COL27A1: variants seen among roughly 807,000 people sequenced by gnomAD.
COL27A1 encodes the protein collagen alpha-1(XXVII) chain.
A neutral mutation model predicts 251.3 loss-of-function variants in COL27A1; 106 were observed. That is an observed-to-expected ratio of 0.42 (90% CI 0.36 to 0.50). The LOEUF is 0.50. COL27A1 is among the 20% of genes least tolerant of loss of function. COL27A1 has a pLI of 0.00. For missense variants in COL27A1, 2,325 were observed against 2,522.8 expected (o/e 0.92, Z 1.68); for synonymous variants, 1,000 against 986.3 (o/e 1.01, Z -0.26).
rs1401021764 is a variant in COL27A1, at chr9:114,156,904, T to C, written c.62+892T>C. Among the ~76,000 whole-genome samples, 4 of 152,068 alleles carry C rather than the reference T, an allele frequency of 2.6e-5. No homozygotes were observed. In the East Asian group the frequency reaches 7.7e-4, roughly 29 times the overall value. On this transcript the variant is annotated intron_variant, in intron 1 of 60. Transcript: ENST00000356083. ...GGGGCCTGTGGACGGCGCTCCTCTC[T>C]TTCCATCCTGCCCCCAGGACACCAG...
At chr9:114,184,108 G>A (rs1302608895) in intron 5 of COL27A1, among the ~76,000 whole-genome samples, 5 of 61,128 alleles carry the variant, frequency 8.2e-5, no homozygotes, top group South Asian at 1.3e-3. Context: ...TGCCTGTGCC[G>A]AAGGAGCTGT....
At chr9:114,258,093 A>G (rs574943641) in intron 27 of COL27A1, among the ~76,000 whole-genome samples, 1 of 152,314 alleles carries the variant, frequency 6.6e-6, no homozygotes, top group East Asian at 1.9e-4. Flanking sequence ...GCTACTCAGG[A>G]GGCTGAGGCG....
At chr9:114,195,598 T>C (rs1390988465) in intron 6 of COL27A1, among the ~76,000 whole-genome samples, 1 of 152,184 alleles carries the variant, frequency 6.6e-6, no homozygotes. Flanking sequence ...ATGGAAGGTG[T>C]CTTAGGACTG....
intron 48 of COL27A1, among the ~76,000 whole-genome samples, 166 bp downstream of exon 48, chr9:114,291,083 C>T (rs1415054909): frequency 1.3e-5 from 2 of 152,208 alleles, no homozygotes; most frequent in Non-Finnish European, 2.9e-5. Context: ...CTGCCCCAAG[C>T]TTGAACCAGA....
At position 114,157,075 on chromosome 9, in the gene COL27A1, AACAC is replaced by A. The variant is rs150446535; in HGVS notation, c.62+1089_62+1092del. Among the ~76,000 whole-genome samples, 38 of 117,448 alleles carry A rather than the reference AACAC, an allele frequency of 3.2e-4. 1 individual carries two copies. Among genetic ancestry groups the A allele is most frequent in the African/African-American group, 7.3e-4 (25 of 34,466 alleles). The allele number at this position is 117,448 out of a possible 152,430, so 77.1% of individuals were successfully genotyped here. A position where few individuals can be genotyped will look rare whatever the true frequency, so the allele number is the denominator to read the frequency against. ...CCCCCGCCCCGCACCCCCTCACCAC[AACAC>A]ACACACACACACACACACACACACA... is the stretch of plus-strand genomic sequence containing the variant. On this transcript the variant is annotated intron_variant, in intron 1 of 60. Transcript: ENST00000356083.
chr9:114,283,812 G>GTGTTTCCAGGCCT, intron 40 of COL27A1, 50 bp downstream of exon 40: 1 of 1,588,610 alleles, frequency 6.3e-7, no homozygotes, highest in Non-Finnish European at 8.6e-7. Context: ...CTGCAGGCCT[G>GTGTTTCCAGGCCT]GAAACACAGG....
chr9:114,206,193 G>T lies in COL27A1; in HGVS notation c.2224-59G>T. 2 of 1,557,322 alleles carry T rather than the reference G, an allele frequency of 1.3e-6. 1 individual carries two copies. The highest frequency in any genetic ancestry group is 2.2e-5 in the South Asian group (2 of 89,604). ...CCCAAAGAGGCAGGACTTGCCCCAG[G>T]ATTGGCAGCAGGTAGAGCGTCTCCA... On this transcript the variant is annotated intron_variant, in intron 9 of 60. Transcript: ENST00000356083.
At chr9:114,229,552 C>A (rs1388330969) in intron 14 of COL27A1, among the ~76,000 whole-genome samples, 2 of 152,124 alleles carry the variant, frequency 1.3e-5, no homozygotes, top group African/African-American at 4.8e-5. Context: ...AGAGCTGTGC[C>A]CCCACCTCAG....
At chr9:114,278,299 G>C (rs1406408736) in intron 37 of COL27A1, among the ~76,000 whole-genome samples, 1 of 134,858 alleles carries the variant, frequency 7.4e-6, no homozygotes, top group East Asian at 2.1e-4. Flanking sequence ...GATGGTGGTA[G>C]TGGTGGTAGT....
At chr9:114,300,814 T>C in intron 51 of COL27A1, 127 bp downstream of exon 51, 3 of 842,252 alleles carry the variant, frequency 3.6e-6, no homozygotes, top group Non-Finnish European at 5.3e-6. Flanking sequence ...CCCACAGGCC[T>C]GGTTCCCACC....
chr9:114,275,005 TGCTTGAGCCCAGCAGTTGGAGACCA>T (rs1422896420), intron 36 of COL27A1, among the ~76,000 whole-genome samples: 2 of 150,948 alleles, frequency 1.3e-5, no homozygotes, highest in Non-Finnish European at 3.0e-5. Context: ...GTGGGAGAAT[TGCTTGAGCCCAGCAGTTGGAGACCA>T]GCCTGGTCAA....
In COL27A1 at chr9:114,309,300, A is replaced by G. The variant is rs1303453120; in HGVS notation, c.5258A>G (p.His1753Arg). 1 of 1,614,116 alleles carries G rather than the reference A, an allele frequency of 6.2e-7. No homozygotes were observed. Among genetic ancestry groups the G allele is most frequent in the Non-Finnish European group, 8.5e-7 (1 of 1,180,018 alleles). Residue 1753 changes from histidine (H) to arginine (R), a missense_variant, in exon 60 of 61, where the codon CAC becomes CGC. By Grantham distance (29) the His-to-Arg change is conservative. Coordinates refer to ENST00000356083, the MANE Select transcript of COL27A1 (RefSeq NM_032888.4). ...AGCCGGGTCCAGATGAATTTCCTGC[A>G]CCTGCTAAGCTCCGAGGTGACCCAG... ...AISRVQMNFL[H>R]LLSSEVTQHI...
At chr9:114,300,560 G>A (rs914244180) in intron 50 of COL27A1, 65 bp from the exon 51 acceptor site, 8 of 1,334,566 alleles carry the variant, frequency 6.0e-6, no homozygotes, top group Non-Finnish European at 8.2e-6. Flanking sequence ...AGGGGTGAGG[G>A]AGCTGTGGGG....
chr9:114,249,836 G>A (rs1228959096), intron 24 of COL27A1, among the ~76,000 whole-genome samples: 1 of 152,206 alleles, frequency 6.6e-6, no homozygotes, highest in African/African-American at 2.4e-5. Flanking sequence ...AGCCACTTCT[G>A]CACTCCTGAA....
Position 114,304,417 on chromosome 9 carries a change from T to A in COL27A1, c.4873-191T>A, listed in dbSNP as rs950178979. The A allele has an allele frequency of 1.6e-5, 10 of 615,718 alleles. No individual in the cohort carries two copies. The Admixed American group carries it at 2.6e-4, about 16-fold the overall frequency. 38.1% of individuals were successfully genotyped at this position (615,718 alleles called of 1,614,324 possible). ...TAATCCTGAGGGCCATGGGGAGCTA[T>A]TAGTACCTGGGGAAAGGGAATGGCA... On this transcript the variant is annotated intron_variant, in intron 56 of 60. Coordinates refer to ENST00000356083, the MANE Select transcript of COL27A1 (RefSeq NM_032888.4).
At chr9:114,267,614 G>T in intron 34 of COL27A1, 57 bp downstream of exon 34, 3 of 1,439,930 alleles carry the variant, frequency 2.1e-6, no homozygotes, top group Non-Finnish European at 2.9e-6. Context: ...CCCAGATGGT[G>T]GCCACATCCT....
At chr9:114,189,294 A>C (rs1169145623) in intron 5 of COL27A1, among the ~76,000 whole-genome samples, 2 of 152,222 alleles carry the variant, frequency 1.3e-5, no homozygotes, top group African/African-American at 4.8e-5. Context: ...ACAGTTAACC[A>C]CTTGTTAAAC....
chr9:114,301,595 T>A (rs1828642567), intron 54 of COL27A1, 87 bp from the exon 55 acceptor site: 1 of 1,523,692 alleles, frequency 6.6e-7, no homozygotes, highest in South Asian at 1.2e-5. Flanking sequence ...TGTCCCTGGG[T>A]CCCAGGTCTG....
In COL27A1 at chr9:114,283,374, T is replaced by C. The variant is rs1348961642; in HGVS notation, c.3880-335T>C. Among the ~76,000 whole-genome samples the C allele has an allele frequency of 3.9e-5, 6 of 152,192 alleles. No homozygotes were observed. The East Asian group carries it at 1.2e-3, about 29-fold the overall frequency. On this transcript the variant is annotated intron_variant, in intron 39 of 60. Transcript: ENST00000356083. ...GGAGATGAGTTTTGAGTATCCTCTA[T>C]CTTTGTTTTTAATAACATTAATTTA...
Sources: gnomAD v4.1 joint callset for allele counts (sites outside exome capture counted in the v4.1 genomes callset) on GRCh38, gnomAD v4.1.1 for gene constraint, MANE v1.5 for transcripts, NCBI Gene and HGNC (gene_info 2026-07-23, HGNC 2026-07-21) for gene names.